Variants in VEPH1 observed in about 807,000 individuals in gnomAD.
VEPH1 encodes ventricular zone-expressed PH domain-containing protein homolog 1.
VEPH1 carries 80 observed loss-of-function variants against 85.2 expected under a neutral mutation model. The observed-to-expected ratio is 0.94, with a 90% confidence interval of 0.78 to 1.13. The LOEUF (loss-of-function observed/expected upper bound fraction) is 1.13. Among genes scored for constraint, VEPH1 ranks in the 50% most tolerant of loss-of-function variants. VEPH1 has a pLI of 0.00. For missense variants in VEPH1, 955 were observed against 980.5 expected, an observed-to-expected ratio of 0.97 and a Z score of 0.35; for synonymous variants, 297 against 348.0, an observed-to-expected ratio of 0.85 and a Z score of 1.63.
In VEPH1 at chr3:157,342,619, G is replaced by A. The variant is rs977176553; in HGVS notation, c.1735+20745C>T. On this transcript the variant is annotated intron_variant, in intron 9 of 13. Transcript: ENST00000362010. Reference sequence around the variant, plus strand: ...CACTGTCAACATTAGACAGATAAACGAGACAGAAAGTTAACAAGGATATCC... The same window carrying A: ...CACTGTCAACATTAGACAGATAAACAAGACAGAAAGTTAACAAGGATATCC... Among the ~76,000 whole-genome samples the A allele has an allele frequency of 2.6e-5, 4 of 152,102 alleles. No individual in the cohort carries two copies. In the South Asian group the frequency reaches 8.3e-4, roughly 32 times the overall value.
intron 7 of VEPH1, among the ~76,000 whole-genome samples, chr3:157,366,736 AAAC>A (rs554197910): frequency 1.1e-3 from 164 of 152,184 alleles, no homozygotes; most frequent in Middle Eastern, 6.8e-3. Context: ...ACTGTCTCAA[AAAC>A]AACAACAACA....
intron 7 of VEPH1, among the ~76,000 whole-genome samples, chr3:157,367,742 C>A (rs2108792209): frequency 6.6e-6 from 1 of 152,260 alleles, no homozygotes; most frequent in South Asian, 2.1e-4. Flanking sequence ...AACATCTGGG[C>A]CCTAGCAGTT....
intron 7 of VEPH1, among the ~76,000 whole-genome samples, chr3:157,380,419 C>T (rs1046541940): frequency 1.3e-5 from 2 of 152,238 alleles, no homozygotes; most frequent in Admixed American, 1.3e-4. Context: ...CTATCATCCA[C>T]TGGTCCCTGC....
intron 2 of VEPH1, among the ~76,000 whole-genome samples, chr3:157,488,595 CTT>C (rs1183556112): frequency 6.8e-6 from 1 of 146,942 alleles, no homozygotes; most frequent in Non-Finnish European, 1.5e-5. Context: ...TGGACTCAGT[CTT>C]TGGACTTTTT....
chr3:157,414,502 G>A (rs1428975080), intron 5 of VEPH1, among the ~76,000 whole-genome samples: 1 of 152,052 alleles, frequency 6.6e-6, no homozygotes, highest in East Asian at 1.9e-4. Context: ...TCAAAATGGA[G>A]AAATCCAGTT....
chr3:157,345,390 A>G (rs1393180935), intron 9 of VEPH1, among the ~76,000 whole-genome samples: 1 of 152,256 alleles, frequency 6.6e-6, no homozygotes, highest in Non-Finnish European at 1.5e-5. Flanking sequence ...GACACTTCTC[A>G]AAAGAAGACA....
At chr3:157,313,186 G>A (rs949152492) in intron 11 of VEPH1, among the ~76,000 whole-genome samples, 9 of 151,916 alleles carry the variant, frequency 5.9e-5, no homozygotes, top group African/African-American at 1.2e-4. Context: ...TTACAGGCAT[G>A]AGCCACCGTG....
intron 2 of VEPH1, chr3:157,489,062 A>G: frequency 4.4e-6 from 2 of 453,156 alleles, no homozygotes; most frequent in South Asian, 3.1e-5. Context: ...TACCACCACC[A>G]CTGCTCCATG....
chr3:157,492,135 C>A (rs1202633363), intron 2 of VEPH1, among the ~76,000 whole-genome samples: 1 of 152,076 alleles, frequency 6.6e-6, no homozygotes, highest in African/African-American at 2.4e-5. Flanking sequence ...AAGACATTAT[C>A]TTTTGATGGG....
intron 11 of VEPH1, among the ~76,000 whole-genome samples, chr3:157,302,088 G>A (rs1718871136): frequency 6.8e-6 from 1 of 146,782 alleles, no homozygotes. Context: ...CTTGACATCA[G>A]CTTTGATTCC....
intron 6 of VEPH1, among the ~76,000 whole-genome samples, chr3:157,409,364 A>C (rs568995407): frequency 3.9e-5 from 6 of 152,154 alleles, no homozygotes; most frequent in Non-Finnish European, 8.8e-5. Flanking sequence ...TGGCATTATA[A>C]AGAACTGGAT....
chr3:157,277,817 A>G (rs957918878), intron 12 of VEPH1, among the ~76,000 whole-genome samples: 2 of 152,240 alleles, frequency 1.3e-5, no homozygotes, highest in Non-Finnish European at 2.9e-5. Context: ...GAACTTATTT[A>G]AGAAGAGACT....
rs1283294275 is a variant in VEPH1 at position 157,287,202 on chromosome 3, G to A, written c.2011-528C>T. 6.6e-5 allele frequency among the ~76,000 whole-genome samples: 10 copies of A among 151,910 alleles called. No homozygotes were observed. In the South Asian group the frequency reaches 1.5e-3, roughly 22 times the overall value. On this transcript the variant is annotated intron_variant, in intron 11 of 13. Coordinates refer to ENST00000362010, the MANE Select transcript of VEPH1 (RefSeq NM_001167912.2). ...AGCCTGGGCAACATGGCAAAACCTC[G>A]TCTCTACCAAAAATACAAAAACATT...
intron 6 of VEPH1, among the ~76,000 whole-genome samples, chr3:157,403,687 C>T (rs571932148): frequency 5.3e-5 from 8 of 152,210 alleles, no homozygotes; most frequent in Admixed American, 1.3e-4. Context: ...TTCCTGACTT[C>T]ATGTATATAC....
chr3:157,412,005 C>A (rs74381869), intron 6 of VEPH1, among the ~76,000 whole-genome samples: 244 of 152,274 alleles, frequency 1.6e-3, no homozygotes, highest in African/African-American at 5.3e-3. Flanking sequence ...CTGCTGCTCT[C>A]ATGATAGTGA....
chr3:157,355,071 C>T (rs1725281213), intron 9 of VEPH1, among the ~76,000 whole-genome samples: 1 of 152,172 alleles, frequency 6.6e-6, no homozygotes, highest in Non-Finnish European at 1.5e-5. Flanking sequence ...CTCTTCAGCT[C>T]CCACACCTCT....
intron 9 of VEPH1, among the ~76,000 whole-genome samples, chr3:157,323,536 C>T (rs2108562671): frequency 6.6e-6 from 1 of 152,318 alleles, no homozygotes; most frequent in Non-Finnish European, 1.5e-5. Flanking sequence ...TTTACAGCAG[C>T]TGGTGGGCCC....
At chr3:157,437,873 A>C in intron 4 of VEPH1, 1 of 1,504,414 alleles carries the variant, frequency 6.6e-7, no homozygotes, top group Non-Finnish European at 8.8e-7. Context: ...GCCGACCTGC[A>C]CGCGGTGCAG....
intron 4 of VEPH1, among the ~76,000 whole-genome samples, chr3:157,454,940 G>T (rs1735249974): frequency 6.6e-6 from 1 of 152,172 alleles, no homozygotes; most frequent in Admixed American, 6.5e-5. Flanking sequence ...ATTTATGGTA[G>T]CATAGTATTC....
Sources: gnomAD v4.1 joint callset for allele counts (sites outside exome capture counted in the v4.1 genomes callset) on GRCh38, gnomAD v4.1.1 for gene constraint, MANE v1.5 for transcripts, NCBI Gene and HGNC (gene_info 2026-07-23, HGNC 2026-07-21) for gene names.